The following ATOSA variants were observed in gnomAD, a reference collection of about 807,000 sequenced individuals.
ATOSA encodes atos homolog protein A.
chr15:52,611,434 C>G, the ATOSA span: 19 of 1,147,474 alleles, frequency 1.7e-5, no homozygotes, highest in Admixed American at 2.2e-4. Flanking sequence ...TATATTTACT[C>G]ATTTTAGTGC....
the ATOSA span, among the ~76,000 whole-genome samples, chr15:52,641,053 T>A: frequency 6.6e-6 from 1 of 152,182 alleles, no homozygotes; most frequent in East Asian, 1.9e-4. Context: ...TCTTGGAGAA[T>A]GAAACCATTT....
chr15:52,704,966 A>T, the ATOSA span, among the ~76,000 whole-genome samples: 4 of 152,218 alleles, frequency 2.6e-5, no homozygotes, highest in South Asian at 2.1e-4. Context: ...AGGATCTAGA[A>T]CTAGAAATAC....
chr15:52,644,873 C>CA, the ATOSA span, among the ~76,000 whole-genome samples: 1 of 152,150 alleles, frequency 6.6e-6, no homozygotes. Flanking sequence ...TAGGCCTCAA[C>CA]AGTCATTTAA....
At chr15:52,615,620 C>CA in the ATOSA span, among the ~76,000 whole-genome samples, 1 of 152,180 alleles carries the variant, frequency 6.6e-6, no homozygotes, top group African/African-American at 2.4e-5. Context: ...AGACTGGAGC[C>CA]AGCTTATGAA....
chr15:52,629,045 T>A, the ATOSA span, among the ~76,000 whole-genome samples: 4 of 152,216 alleles, frequency 2.6e-5, no homozygotes, highest in Admixed American at 6.5e-5. Context: ...AATTCTTAAT[T>A]ACAGAAAGCC....
the ATOSA span, among the ~76,000 whole-genome samples, chr15:52,669,017 TG>T: frequency 6.6e-6 from 1 of 151,950 alleles, no homozygotes; most frequent in Non-Finnish European, 1.5e-5. Flanking sequence ...GCCATTCTCC[TG>T]CCTCACTGTC....
At chr15:52,586,127 C>A in the ATOSA span, 1 of 152,208 alleles carries the variant, frequency 6.6e-6, no homozygotes. Context: ...CCCACACTTT[C>A]TCATGAGCTG....
At chr15:52,702,016 T>A in the ATOSA span, among the ~76,000 whole-genome samples, 2 of 152,052 alleles carry the variant, frequency 1.3e-5, no homozygotes, top group Non-Finnish European at 1.5e-5. Context: ...GAAAAAATGC[T>A]CCACATCACT....
At chr15:52,647,530 C>A in the ATOSA span, among the ~76,000 whole-genome samples, 1 of 152,202 alleles carries the variant, frequency 6.6e-6, no homozygotes, top group Admixed American at 6.5e-5. Context: ...GCCTTCCAGG[C>A]AGCTGGCTTG....
chr15:52,684,293 AG>A, the ATOSA span, among the ~76,000 whole-genome samples: 8 of 152,304 alleles, frequency 5.3e-5, no homozygotes, highest in African/African-American at 1.9e-4. Context: ...CTGGCACTTT[AG>A]GAGGCCCAGG....
the ATOSA span, among the ~76,000 whole-genome samples, chr15:52,663,327 C>G: frequency 6.6e-6 from 1 of 152,194 alleles, no homozygotes; most frequent in South Asian, 2.1e-4. Context: ...TTCCCTATGA[C>G]CTTTGATAGT....
chr15:52,639,127 G>C, the ATOSA span, among the ~76,000 whole-genome samples: 8 of 148,532 alleles, frequency 5.4e-5, no homozygotes, highest in African/African-American at 7.4e-5. Flanking sequence ...TAAATTAAAA[G>C]TTTACCTTTT....
At chr15:52,609,586 C>G in the ATOSA span, 1 of 1,613,088 alleles carries the variant, frequency 6.2e-7, no homozygotes, top group East Asian at 2.2e-5. Context: ...TCGAATTTTC[C>G]CCTCATTGGT....
the ATOSA span, among the ~76,000 whole-genome samples, chr15:52,603,236 A>C: frequency 2.6e-5 from 4 of 152,176 alleles, no homozygotes; most frequent in Non-Finnish European, 5.9e-5. Flanking sequence ...AAAATGCTCA[A>C]CACCACTAAT....
At chr15:52,651,988 A>C in the ATOSA span, 4 of 1,530,314 alleles carry the variant, frequency 2.6e-6, no homozygotes, top group Admixed American at 6.1e-5. Context: ...AGATGTCTGC[A>C]GCGGTTAAAA....
At chr15:52,698,705 C>A in the ATOSA span, among the ~76,000 whole-genome samples, 1 of 152,176 alleles carries the variant, frequency 6.6e-6, no homozygotes, top group Non-Finnish European at 1.5e-5. Context: ...TAGTGATTAA[C>A]CTTTCAAGGC....
At chr15:52,634,719 A>G in the ATOSA span, among the ~76,000 whole-genome samples, 272 of 151,408 alleles carry the variant, frequency 1.8e-3, 1 homozygote, top group East Asian at 0.026. Flanking sequence ...CTCCTGCCTC[A>G]GCCTCCCGAG....
the ATOSA span, among the ~76,000 whole-genome samples, chr15:52,664,107 CAGA>C: frequency 3.7e-4 from 57 of 152,310 alleles, no homozygotes; most frequent in African/African-American, 1.3e-3. Flanking sequence ...TTTAACTTCA[CAGA>C]AGGCCACTCT....
chr15:52,593,260 A>C, the ATOSA span, among the ~76,000 whole-genome samples: 1 of 152,336 alleles, frequency 6.6e-6, no homozygotes, highest in African/African-American at 2.4e-5. Context: ...GTAGGACTAG[A>C]GGACACAGTG....
Sources: allele counts gnomAD v4.1 joint callset (sites outside exome capture counted in the v4.1 genomes callset), GRCh38; gene constraint gnomAD v4.1.1; transcripts MANE v1.5; gene names NCBI Gene and HGNC (gene_info 2026-07-23, HGNC 2026-07-21).